The following COMMD1 variants were observed in gnomAD, a reference collection of about 807,000 sequenced individuals.
COMMD1 encodes the protein copper metabolism domain containing 1, also known as COMM domain-containing protein 1.
A neutral mutation model predicts 17.2 loss-of-function variants in COMMD1; 10 were observed. The ratio of observed to expected loss-of-function variants is 0.58; its 90% confidence interval spans 0.36 to 0.99. The LOEUF is 0.99. Ranked by LOEUF, COMMD1 falls within the 50% of genes least tolerant of loss-of-function variation. COMMD1 has a pLI of 0.01. For missense variants in COMMD1, 270 were observed against 231.8 expected, an observed-to-expected ratio of 1.17 and a Z score of -1.07; for synonymous variants, 97 against 91.6, an observed-to-expected ratio of 1.06 and a Z score of -0.34.
chr2:61,943,558 G>A (rs1347925977), intron 1 of COMMD1, among the ~76,000 whole-genome samples: 1 of 152,148 alleles, frequency 6.6e-6, no homozygotes, highest in Non-Finnish European at 1.5e-5. Flanking sequence ...AATGAGGCTG[G>A]GTGCCTTGGG....
At position 61,965,559 on chromosome 2, in the gene COMMD1, G is replaced by A. The variant is rs115114020; in HGVS notation, c.181-35142G>A. ...CTTTTTGGACACTTAGTAAAAATTC[G>A]GTGATCACGACCAACTCTTTCTAAT... On this transcript the variant is annotated intron_variant, in intron 1 of 2. Transcript: ENST00000311832. Among the ~76,000 whole-genome samples the A allele has an allele frequency of 7.7e-3, 1,173 of 152,286 alleles. 15 individuals carry two copies. The highest frequency in any genetic ancestry group is 0.027 in the African/African-American group (1,115 of 41,552).
intron 2 of COMMD1, chr2:62,084,804 A>G (rs533258001): frequency 6.6e-6 from 1 of 152,360 alleles, no homozygotes; most frequent in Non-Finnish European, 1.5e-5. Flanking sequence ...TAGATTAAAC[A>G]AGCTGAGACT....
intron 2 of COMMD1, among the ~76,000 whole-genome samples, chr2:62,070,897 G>T (rs903039369): frequency 6.6e-6 from 1 of 152,170 alleles, no homozygotes; most frequent in Non-Finnish European, 1.5e-5. Flanking sequence ...TGGGTGTGGT[G>T]GTGCATGCCT....
chr2:62,131,841 C>T (rs1423324255), intron 2 of COMMD1, among the ~76,000 whole-genome samples: 1 of 151,648 alleles, frequency 6.6e-6, no homozygotes, highest in African/African-American at 2.4e-5. Flanking sequence ...CCACCCCTAG[C>T]CCACATCTGC....
At position 62,100,761 on chromosome 2, in the gene COMMD1, A is replaced by G. The variant is rs767474377; in HGVS notation, c.463-35070A>G. 5.3e-5 allele frequency among the ~76,000 whole-genome samples: 8 copies of G among 152,262 alleles called. No homozygotes were observed. In the South Asian group the frequency reaches 8.3e-4, roughly 16 times the overall value. ...AGACAATAGATGAAAAATATTTCCT[A>G]TTCGGATCTTTAAAAGGTACTAGAC... On this transcript the variant is annotated intron_variant, in intron 2 of 2. Coordinates refer to ENST00000311832, the MANE Select transcript of COMMD1 (RefSeq NM_152516.4).
chr2:62,087,069 C>T (rs1230357299), intron 2 of COMMD1, among the ~76,000 whole-genome samples: 1 of 152,142 alleles, frequency 6.6e-6, no homozygotes, highest in Non-Finnish European at 1.5e-5. Flanking sequence ...AATGACCTGC[C>T]TGCCTTCGCC....
At chr2:61,894,841 G>A (rs1265217720) in intron 1 of COMMD1, among the ~76,000 whole-genome samples, 1 of 151,894 alleles carries the variant, frequency 6.6e-6, no homozygotes, top group African/African-American at 2.4e-5. Flanking sequence ...TGGGATTACA[G>A]GCATGCACCA....
At chr2:61,963,713 CCT>C (rs1671431619) in intron 1 of COMMD1, among the ~76,000 whole-genome samples, 1 of 152,156 alleles carries the variant, frequency 6.6e-6, no homozygotes, top group Non-Finnish European at 1.5e-5. Flanking sequence ...GAAATGGTAT[CCT>C]CTTTTAGAAG....
chr2:61,985,364 A>G (rs1169813093), intron 1 of COMMD1, among the ~76,000 whole-genome samples: 2 of 152,082 alleles, frequency 1.3e-5, no homozygotes, highest in African/African-American at 4.8e-5. Flanking sequence ...GTGTGTCTTT[A>G]TAGGTGAAGT....
chr2:62,130,806 G>C (rs1442549095), intron 2 of COMMD1, among the ~76,000 whole-genome samples: 1 of 152,178 alleles, frequency 6.6e-6, no homozygotes, highest in African/African-American at 2.4e-5. Flanking sequence ...TTTTAAAATG[G>C]ACAATAATAC....
chr2:61,988,100 T>C (rs1352474182), intron 1 of COMMD1, among the ~76,000 whole-genome samples: 2 of 152,152 alleles, frequency 1.3e-5, no homozygotes, highest in African/African-American at 4.8e-5. Context: ...AAAAATGTCA[T>C]CTAAGAGCCA....
At chr2:61,891,864 C>G (rs1162772756) in intron 1 of COMMD1, among the ~76,000 whole-genome samples, 1 of 151,410 alleles carries the variant, frequency 6.6e-6, no homozygotes, top group Admixed American at 6.6e-5. Flanking sequence ...TGGAGTCTCG[C>G]TCTGTCACCC....
intron 2 of COMMD1, among the ~76,000 whole-genome samples, chr2:62,029,032 A>G (rs960942999): frequency 6.6e-5 from 10 of 152,204 alleles, no homozygotes; most frequent in East Asian, 1.9e-4. Flanking sequence ...CTAGAATTCT[A>G]TTTAGCTACC....
intron 2 of COMMD1, among the ~76,000 whole-genome samples, chr2:62,050,810 T>C (rs1670514930): frequency 6.6e-6 from 1 of 152,202 alleles, no homozygotes; most frequent in South Asian, 2.1e-4. Flanking sequence ...TTCTGAAACT[T>C]GACCTAGTCG....
At chr2:62,055,141 T>C (rs10169325) in intron 2 of COMMD1, among the ~76,000 whole-genome samples, 1,962 of 152,288 alleles carry the variant, frequency 0.013, 29 homozygotes, top group African/African-American at 0.044. Flanking sequence ...TGGCAGGCTT[T>C]ATAGTGGCAA....
At chr2:61,902,127 G>A (rs113956801), upstream of COMMD1, among the ~76,000 whole-genome samples, 284 of 150,786 alleles carry the variant, frequency 1.9e-3, no homozygotes, top group Non-Finnish European at 3.5e-3. Context: ...CACCGCACCC[G>A]GCCTAGATTT....
intron 1 of COMMD1, among the ~76,000 whole-genome samples, chr2:61,953,871 T>C (rs1179815074): frequency 2.0e-5 from 3 of 152,156 alleles, no homozygotes; most frequent in Non-Finnish European, 4.4e-5. Flanking sequence ...GGTGTATCAT[T>C]ATAGTTTTAA....
At chr2:62,005,788 G>A (rs1169821811) in intron 2 of COMMD1, among the ~76,000 whole-genome samples, 4 of 151,576 alleles carry the variant, frequency 2.6e-5, no homozygotes, top group East Asian at 1.9e-4. Context: ...TCAGTGTGGC[G>A]ATTCCTCAGG....
chr2:62,071,769 C>T (rs1010455161), intron 2 of COMMD1, among the ~76,000 whole-genome samples: 13 of 152,196 alleles, frequency 8.5e-5, no homozygotes, highest in Non-Finnish European at 1.8e-4. Context: ...ACCTGAAAAA[C>T]TAAATTCCCA....
Sources: gnomAD v4.1 joint callset for allele counts (sites outside exome capture counted in the v4.1 genomes callset) on GRCh38, gnomAD v4.1.1 for gene constraint, MANE v1.5 for transcripts, NCBI Gene and HGNC (gene_info 2026-07-23, HGNC 2026-07-21) for gene names.